SMIM13: variants seen among roughly 807,000 people sequenced by gnomAD.
SMIM13 encodes small integral membrane protein 13.
A neutral mutation model predicts 5.9 loss-of-function variants in SMIM13; 3 were observed. That is an observed-to-expected ratio of 0.51 (90% CI 0.23 to 1.31). The LOEUF is 1.31. Among genes scored for constraint, SMIM13 ranks in the 40% most tolerant of loss-of-function variants. SMIM13 has a pLI of 0.18. For synonymous variants in SMIM13, 55 were observed against 46.0 expected (o/e 1.19, Z -0.79); for missense variants, 85 against 109.9 (o/e 0.77, Z 1.01).
rs568361439 is a variant in SMIM13, at chr6:11,094,273, C to G, written c.-41C>G. The G allele has an allele frequency of 7.7e-7, 1 of 1,298,244 alleles. No homozygotes were observed. Among genetic ancestry groups the G allele is most frequent in the Non-Finnish European group, 1.0e-6 (1 of 999,618 alleles). 80.4% of individuals were successfully genotyped at this position (1,298,244 alleles called of 1,614,324 possible). On this transcript the variant is annotated 5_prime_UTR_variant, in exon 1 of 2. Transcript: ENST00000416247. ...GCCGCCGCCCGCGCTCACCGCCGTC[C>G]GCGCCAGCCGCCCCGAGCCGACTGC...
chr6:11,094,444 TG>T (rs1257658843), intron 1 of SMIM13, 55 bp downstream of exon 1: 15,131 of 1,278,684 alleles, frequency 0.012, 144 homozygotes, highest in African/African-American at 0.044. Context: ...GCTGATCTGC[TG>T]GGGTTTTTTT....
At chr6:11,117,157 A>ATTTTTTTTTT (rs1341431576) in intron 1 of SMIM13, among the ~76,000 whole-genome samples, 9 of 116,932 alleles carry the variant, frequency 7.7e-5, no homozygotes, top group South Asian at 2.8e-4. Context: ...CGCCCGGCTA[A>ATTTTTTTTTT]TTTTTGTATT....
At chr6:11,132,023 C>T (rs1367862578) in intron 1 of SMIM13, among the ~76,000 whole-genome samples, 16 of 152,026 alleles carry the variant, frequency 1.1e-4, no homozygotes, top group Admixed American at 8.5e-4. Flanking sequence ...AATCATATAC[C>T]TGATAAGCAT....
intron 1 of SMIM13, among the ~76,000 whole-genome samples, chr6:11,094,682 G>C (rs544698092): frequency 5.3e-4 from 80 of 152,230 alleles, no homozygotes; most frequent in Non-Finnish European, 1.1e-3. Flanking sequence ...CTCACCACAG[G>C]CTGCCCAGAT....
chr6:11,108,340 C>G (rs1267297447), intron 1 of SMIM13, among the ~76,000 whole-genome samples: 1 of 152,194 alleles, frequency 6.6e-6, no homozygotes, highest in Non-Finnish European at 1.5e-5. Flanking sequence ...GGCTCTGTCC[C>G]TTCAATAGTG....
chr6:11,100,663 C>T (rs554229618), intron 1 of SMIM13, among the ~76,000 whole-genome samples: 1 of 152,052 alleles, frequency 6.6e-6, no homozygotes, highest in Admixed American at 6.6e-5. Flanking sequence ...TTTTTTTGAG[C>T]TAATGCATAC....
At chr6:11,115,269 A>G (rs1758222451) in intron 1 of SMIM13, among the ~76,000 whole-genome samples, 1 of 152,174 alleles carries the variant, frequency 6.6e-6, no homozygotes, top group African/African-American at 2.4e-5. Context: ...GTTATTAGAT[A>G]TCAGTTTCTG....
At chr6:11,121,173 A>G (rs946432039) in intron 1 of SMIM13, among the ~76,000 whole-genome samples, 8 of 152,184 alleles carry the variant, frequency 5.3e-5, no homozygotes, top group African/African-American at 1.7e-4. Flanking sequence ...TTAAGCTGAA[A>G]AACTGCAAAA....
rs183055245 is a variant in SMIM13 at position 11,125,252 on chromosome 6, G to A, written c.77-9151G>A. On this transcript the variant is annotated intron_variant, in intron 1 of 1. Transcript: ENST00000416247. ...AGAGGTTGCAGTGAGTCGAGATTGC[G>A]CTACTGCACTCCAGTCTGGGCAACA... Among the ~76,000 whole-genome samples, 147 of 138,238 alleles carry A rather than the reference G, an allele frequency of 1.1e-3. 3 individuals carry two copies. The highest frequency in any genetic ancestry group is 9.4e-3 in the Admixed American group (120 of 12,716). The allele number at this position is 138,238 out of a possible 152,430, so 90.7% of individuals were successfully genotyped here. A position where few individuals can be genotyped will look rare whatever the true frequency, so the allele number is the denominator to read the frequency against.
Position 11,125,260 on chromosome 6 carries a change from A to C in SMIM13, c.77-9143A>C, listed in dbSNP as rs967178303. 4.3e-5 allele frequency among the ~76,000 whole-genome samples: 6 copies of C among 137,986 alleles called. No homozygotes were observed. The Admixed American group carries it at 4.8e-4, about 11-fold the overall frequency. 90.5% of individuals were successfully genotyped at this position (137,986 alleles called of 152,430 possible). ...CAGTGAGTCGAGATTGCGCTACTGC[A>C]CTCCAGTCTGGGCAACAGAGTGAGA... On this transcript the variant is annotated intron_variant, in intron 1 of 1. Transcript: ENST00000416247.
rs140869100 is a variant in SMIM13 at position 11,126,145 on chromosome 6, G to A, written c.77-8258G>A. ...GCTCACCACAACCTCCGCCTCCCGG[G>A]TTCAAGCAATTCTCCTGCCTCAGCC... On this transcript the variant is annotated intron_variant, in intron 1 of 1. Transcript: ENST00000416247. 1.9e-3 allele frequency among the ~76,000 whole-genome samples: 291 copies of A among 152,260 alleles called. 3 individuals are homozygous for A. Among genetic ancestry groups the A allele is most frequent in the African/African-American group, 6.5e-3 (272 of 41,560 alleles).
At chr6:11,113,968 T>C (rs1249282901) in intron 1 of SMIM13, among the ~76,000 whole-genome samples, 1 of 136,216 alleles carries the variant, frequency 7.3e-6, no homozygotes, top group East Asian at 1.9e-4. Context: ...TATAAAGTTA[T>C]TCTTTTTGTT....
At chr6:11,129,179 C>T (rs914547063) in intron 1 of SMIM13, among the ~76,000 whole-genome samples, 2 of 151,914 alleles carry the variant, frequency 1.3e-5, no homozygotes, top group East Asian at 1.9e-4. Context: ...TCTTTTCATC[C>T]GCTCCCCACC....
intron 1 of SMIM13, among the ~76,000 whole-genome samples, chr6:11,095,461 T>G (rs138707853): frequency 4.6e-5 from 7 of 152,352 alleles, no homozygotes; most frequent in African/African-American, 1.7e-4. Context: ...TTCTCCTGCC[T>G]CAGACTCTCG....
At position 11,128,422 on chromosome 6, in the gene SMIM13, ACTCTC is replaced by A. The variant is rs1460671739; in HGVS notation, c.77-5972_77-5968del. On this transcript the variant is annotated intron_variant, in intron 1 of 1. Transcript: ENST00000416247. ...CAAGACAAAGTCCTCTTCACTGTCTACTCTCCTCTCCTCAAACAGAGGGAAGAAGT... is the reference window on the plus strand; with the variant it reads ...CAAGACAAAGTCCTCTTCACTGTCTACTCTCCTCAAACAGAGGGAAGAAGT... Among the ~76,000 whole-genome samples the A allele has an allele frequency of 3.3e-5, 5 of 151,538 alleles. No homozygotes were observed. In the East Asian group the frequency reaches 9.7e-4, roughly 29 times the overall value.
rs905499553 is a variant in SMIM13 at position 11,123,861 on chromosome 6, G to A, written c.77-10542G>A. Among the ~76,000 whole-genome samples the A allele has an allele frequency of 9.9e-5, 15 of 152,034 alleles. No homozygotes were observed. The East Asian group carries it at 2.9e-3, about 29-fold the overall frequency. On this transcript the variant is annotated intron_variant, in intron 1 of 1. Transcript: ENST00000416247. ...ATTTTGAAATATACAATACATTATT[G>A]TATGTATTTTTTATTTTTGTGGGTA...
At position 11,094,171 on chromosome 6, in the gene SMIM13, T is replaced by C. The variant is rs1757889894; in HGVS notation, c.-143T>C. On this transcript the variant is annotated 5_prime_UTR_variant, in exon 1 of 2. Coordinates refer to ENST00000416247, the MANE Select transcript of SMIM13 (RefSeq NM_001135575.2). ...GCGCCGCCCCACCCCCTGGGGGCGC[T>C]GCCGAGGGGGCGCCAGCCGCCCATG... 1.1e-5 allele frequency: 2 copies of C among 181,042 alleles called. No individual in the cohort carries two copies. The highest frequency in any genetic ancestry group is 2.1e-5 in the Non-Finnish European group (2 of 94,912). 11.2% of individuals were successfully genotyped at this position (181,042 alleles called of 1,614,324 possible). A position where few individuals can be genotyped will look rare whatever the true frequency, so the allele number is the denominator to read the frequency against.
In SMIM13 at chr6:11,104,234, C is replaced by T. The variant is rs746075494; in HGVS notation, c.76+9845C>T. ...CCGTACCAGCTAGAATGCCGAGTCC[C>T]GCGAGAAGGGGAATGAAATGGATTG... On this transcript the variant is annotated intron_variant, in intron 1 of 1. Transcript: ENST00000416247. 36 of 1,551,530 alleles carry T rather than the reference C, an allele frequency of 2.3e-5. No homozygotes were observed. In the South Asian group the frequency reaches 2.6e-4, roughly 11 times the overall value.
chr6:11,119,092 G>T (rs1340278168), intron 1 of SMIM13, among the ~76,000 whole-genome samples: 1 of 152,022 alleles, frequency 6.6e-6, no homozygotes, highest in Non-Finnish European at 1.5e-5. Context: ...GATGTGAGAG[G>T]GTTTATTAAA....
Sources: gnomAD v4.1 joint callset for allele counts (sites outside exome capture counted in the v4.1 genomes callset) on GRCh38, gnomAD v4.1.1 for gene constraint, MANE v1.5 for transcripts, NCBI Gene and HGNC (gene_info 2026-07-23, HGNC 2026-07-21) for gene names.